Variants in FGF12 observed in about 807,000 individuals in gnomAD.
The protein encoded by FGF12 is fibroblast growth factor 12B.
Under a neutral mutation model 23.6 loss-of-function variants are expected in FGF12, and 14 were observed. The observed-to-expected ratio is 0.59, with a 90% CI of 0.39 to 0.93. The LOEUF (loss-of-function observed/expected upper bound fraction) is 0.93, where lower values mean the gene tolerates loss of function less well. Ranked by LOEUF, FGF12 falls within the 40% of genes least tolerant of loss-of-function variation. The pLI, the probability that FGF12 is intolerant of heterozygous loss-of-function variation, is 0.00. For synonymous variants in FGF12, 62 were observed against 77.3 expected (o/e 0.80, Z 1.04); for missense variants, 175 against 217.8 (o/e 0.80, Z 1.24).
At chr3:192,468,834 G>T (rs1416553823) in intron 2 of FGF12, among the ~76,000 whole-genome samples, 1 of 151,938 alleles carries the variant, frequency 6.6e-6, no homozygotes, top group Non-Finnish European at 1.5e-5. Flanking sequence ...ATTAACGTGG[G>T]GTTTGCGGAA....
At chr3:192,707,580 T>A (rs1718511652) in intron 2 of FGF12, among the ~76,000 whole-genome samples, 1 of 151,530 alleles carries the variant, frequency 6.6e-6, no homozygotes, top group Admixed American at 6.6e-5. Flanking sequence ...ACCCCGTCTC[T>A]ACTAAAAACA....
chr3:192,577,681 ATT>A (rs1264759329), intron 2 of FGF12, among the ~76,000 whole-genome samples: 20 of 152,356 alleles, frequency 1.3e-4, no homozygotes, highest in African/African-American at 4.8e-4. Context: ...TCATAAAATA[ATT>A]TGTCATTATA....
chr3:192,187,274 A>G (rs1220044409), intron 4 of FGF12, among the ~76,000 whole-genome samples: 1 of 152,192 alleles, frequency 6.6e-6, no homozygotes, highest in East Asian at 1.9e-4. Context: ...TGACATATAT[A>G]GTCTTTTTTT....
intron 5 of FGF12, among the ~76,000 whole-genome samples, chr3:192,144,917 T>C (rs9829045): frequency 0.62 from 94,738 of 152,146 alleles, 31,200 homozygotes; most frequent in Non-Finnish European, 0.73. Context: ...TCTTGTGAAA[T>C]AGACAAATGT....
At chr3:192,630,691 T>A (rs1381572632) in intron 2 of FGF12, among the ~76,000 whole-genome samples, 1 of 150,998 alleles carries the variant, frequency 6.6e-6, no homozygotes, top group East Asian at 2.0e-4. Context: ...TAGCTGGGAC[T>A]ACAGGCGCCC....
chr3:192,188,932 T>C (rs1457575442), intron 4 of FGF12, among the ~76,000 whole-genome samples: 1 of 152,240 alleles, frequency 6.6e-6, no homozygotes, highest in Non-Finnish European at 1.5e-5. Context: ...TCTAATTTCT[T>C]ATGAAAAAGT....
intron 4 of FGF12, among the ~76,000 whole-genome samples, chr3:192,282,303 G>T (rs1185921100): frequency 6.6e-6 from 1 of 152,158 alleles, no homozygotes; most frequent in Middle Eastern, 3.4e-3. Context: ...AATGAACTTG[G>T]CTGAATGAAT....
chr3:192,537,178 T>C (rs1725243616), intron 2 of FGF12, among the ~76,000 whole-genome samples: 1 of 152,224 alleles, frequency 6.6e-6, no homozygotes, highest in South Asian at 2.1e-4. Flanking sequence ...GTATATGTAC[T>C]ACATTCTCTT....
At chr3:192,382,424 A>G (rs1166551634) in intron 2 of FGF12, among the ~76,000 whole-genome samples, 1 of 152,202 alleles carries the variant, frequency 6.6e-6, no homozygotes, top group East Asian at 1.9e-4. Flanking sequence ...CATAAAACCT[A>G]AACACCATTG....
intron 4 of FGF12, among the ~76,000 whole-genome samples, chr3:192,249,241 A>C (rs913425195): frequency 6.6e-6 from 1 of 152,180 alleles, no homozygotes; most frequent in African/African-American, 2.4e-5. Flanking sequence ...TGAATAATAA[A>C]ACACTATTAT....
chr3:192,543,665 C>A (rs542780767), intron 2 of FGF12, among the ~76,000 whole-genome samples: 1 of 152,130 alleles, frequency 6.6e-6, no homozygotes, highest in Admixed American at 6.6e-5. Context: ...AGGCCCACAG[C>A]GAGTACTGCC....
intron 4 of FGF12, among the ~76,000 whole-genome samples, chr3:192,301,801 G>T (rs768513422): frequency 7.9e-5 from 12 of 152,224 alleles, no homozygotes; most frequent in African/African-American, 2.4e-4. Flanking sequence ...ACCTTGAGAA[G>T]AAGAAAAGAG....
Position 192,222,224 on chromosome 3 carries a change from G to A in FGF12, c.229-51568C>T, listed in dbSNP as rs1045680790. On this transcript the variant is annotated intron_variant, in intron 4 of 5. Transcript: ENST00000445105. ...GTGAAAAGAGATGGATGAAAGCCAGGTTTCTTATTCTCTTAGGTTCAACAA... is the reference window on the plus strand; with the variant it reads ...GTGAAAAGAGATGGATGAAAGCCAGATTTCTTATTCTCTTAGGTTCAACAA... Among the ~76,000 whole-genome samples the A allele has an allele frequency of 2.0e-5, 3 of 152,192 alleles. No individual in the cohort carries two copies. The South Asian group carries it at 6.2e-4, about 32-fold the overall frequency.
chr3:192,424,588 T>A (rs1297346669), intron 2 of FGF12, among the ~76,000 whole-genome samples: 1 of 152,226 alleles, frequency 6.6e-6, no homozygotes, highest in Non-Finnish European at 1.5e-5. Context: ...AACTCAGTGC[T>A]AGAGTATTCA....
chr3:192,690,908 C>T (rs1264158577), intron 2 of FGF12, among the ~76,000 whole-genome samples: 2 of 151,764 alleles, frequency 1.3e-5, no homozygotes, highest in East Asian at 1.9e-4. Flanking sequence ...AAAAGCTAGA[C>T]GTTAAGCCAA....
At chr3:192,375,029 C>T (rs1432765412) in intron 2 of FGF12, among the ~76,000 whole-genome samples, 1 of 152,082 alleles carries the variant, frequency 6.6e-6, no homozygotes, top group Non-Finnish European at 1.5e-5. Context: ...TGTGCCTGTA[C>T]TCCCTCTGTA....
At chr3:192,379,854 G>T (rs1251340049) in intron 2 of FGF12, among the ~76,000 whole-genome samples, 1 of 152,136 alleles carries the variant, frequency 6.6e-6, no homozygotes, top group Non-Finnish European at 1.5e-5. Context: ...TTCTAAAGGA[G>T]TTGGATCATC....
intron 4 of FGF12, among the ~76,000 whole-genome samples, chr3:192,298,747 A>G (rs1031521316): frequency 6.7e-6 from 1 of 149,940 alleles, no homozygotes; most frequent in Non-Finnish European, 1.5e-5. Flanking sequence ...TGTCTCAAAG[A>G]AAAAAAAAAG....
intron 4 of FGF12, among the ~76,000 whole-genome samples, chr3:192,230,942 A>C (rs970625123): frequency 6.6e-6 from 1 of 152,216 alleles, no homozygotes; most frequent in South Asian, 2.1e-4. Context: ...AATAAAATTA[A>C]ACACTTTAAG....
Sources: gnomAD v4.1 joint callset for allele counts (sites outside exome capture counted in the v4.1 genomes callset) on GRCh38, gnomAD v4.1.1 for gene constraint, MANE v1.5 for transcripts, NCBI Gene and HGNC (gene_info 2026-07-23, HGNC 2026-07-21) for gene names.